CEP97: variants seen among roughly 807,000 people sequenced by gnomAD.
The protein encoded by CEP97 is centrosomal protein 97.
In CEP97, 43 loss-of-function variants were observed where a neutral mutation model predicts 73.1. The ratio of observed to expected loss-of-function variants is 0.59; its 90% CI spans 0.46 to 0.76. CEP97 has a LOEUF of 0.76. Among genes scored for constraint, CEP97 ranks in the 30% least tolerant of loss-of-function variants. The pLI, the probability that CEP97 is intolerant of heterozygous loss-of-function variation, is 0.00. For missense variants in CEP97, 939 were observed against 1,014.0 expected, an observed-to-expected ratio of 0.93 and a Z score of 1.00; for synonymous variants, 337 against 370.0, an observed-to-expected ratio of 0.91 and a Z score of 1.02.
Position 101,768,588 on chromosome 3 carries a change from T to C in CEP97, c.*3037T>C, listed in dbSNP as rs1361330622. 1 of 152,176 alleles carries C rather than the reference T, an allele frequency of 6.6e-6. No individual in the cohort carries two copies. The highest frequency in any genetic ancestry group is 2.4e-5 in the African/African-American group (1 of 41,446). 9.4% of individuals were successfully genotyped at this position (152,176 alleles called of 1,614,324 possible). On this transcript the variant is annotated 3_prime_UTR_variant, in exon 11 of 11. Coordinates refer to ENST00000341893, the MANE Select transcript of CEP97 (RefSeq NM_024548.4). The stretch of plus-strand genomic sequence containing the variant: ...TGGTGGTTGACAACTGTAATCCCAG[T>C]GCTTTGGGAGGCTGAGGCCAGAGGA...
intron 6 of CEP97, among the ~76,000 whole-genome samples, chr3:101,741,629 CATTT>C (rs1938456926): frequency 6.6e-6 from 1 of 152,132 alleles, no homozygotes; most frequent in South Asian, 2.1e-4. Context: ...CAAAAGAAGA[CATTT>C]ATGCGGCCAA....
intron 6 of CEP97, among the ~76,000 whole-genome samples, chr3:101,747,258 CTTTTTT>C (rs35085560): frequency 7.7e-6 from 1 of 129,748 alleles, no homozygotes; most frequent in Non-Finnish European, 1.6e-5. Flanking sequence ...TTCAGAACTC[CTTTTTT>C]TTTTTTTTTT....
intron 6 of CEP97, among the ~76,000 whole-genome samples, chr3:101,741,842 C>A (rs1364801710): frequency 6.6e-6 from 1 of 151,940 alleles, no homozygotes; most frequent in Non-Finnish European, 1.5e-5. Flanking sequence ...AAGTTCGAGA[C>A]CAGCCTGACC....
At chr3:101,732,402 A>G (rs187611926) in intron 5 of CEP97, 86 bp from the exon 6 acceptor site, 1 of 891,416 alleles carries the variant, frequency 1.1e-6, no homozygotes, top group Non-Finnish European at 1.7e-6. Flanking sequence ...ACATTCTCAA[A>G]TGCTGCCAAA....
intron 6 of CEP97, among the ~76,000 whole-genome samples, chr3:101,746,832 GA>G (rs1245944187): frequency 2.0e-5 from 3 of 148,392 alleles, no homozygotes; most frequent in African/African-American, 7.4e-5. Flanking sequence ...AAATTTACAA[GA>G]AAAAAACAAA....
Position 101,755,509 on chromosome 3 carries a change from C to T in CEP97, c.808C>T (p.Leu270=). 6.2e-7 allele frequency: 1 copy of T among 1,613,878 alleles called. No homozygotes were observed. The change falls in exon 7 of 11, where the codon CTG becomes TTG. Residue 270 remains leucine, a synonymous_variant. Transcript: ENST00000341893. ...PGQHIQLVQY[L]ATVCPLTSTL... is the part of the protein sequence containing the mutation. ...CCAGCACATCCAGCTTGTCCAATAT[C>T]TGGCTACAGTCTGCCCCCTCACTTC...
Position 101,757,894 on chromosome 3 carries a change from C to G in CEP97, c.1288C>G (p.Leu430Val), listed in dbSNP as rs1366900961. 8.1e-6 allele frequency: 13 copies of G among 1,614,166 alleles called. No individual in the cohort carries two copies. Among genetic ancestry groups the G allele is most frequent in the African/African-American group, 2.7e-5 (2 of 75,026 alleles). Reference protein sequence around the residue: ...ELRLQGINLGLEDDGVADESV... With the variant: ...ELRLQGINLGVEDDGVADESV... ...GAGGCTGCAGGGCATTAACTTGGGC[C>G]TAGAAGATGATGGTGTTGCAGATGA... Residue 430 changes from leucine (L) to valine (V), a missense_variant, in exon 9 of 11, where the codon CTA (leucine) becomes GTA (valine). Physicochemically the swap from Leu to Val is conservative, Grantham distance 32. Transcript: ENST00000341893.
In CEP97 at chr3:101,744,216, A is replaced by G. The variant is rs1427890841; in HGVS notation, c.729-11214A>G. On this transcript the variant is annotated intron_variant, in intron 6 of 10. Transcript: ENST00000341893. Reference sequence around the variant, plus strand: ...TACTTAGGTCTCCCAAAAGACATGTACATGCATTTTCACAGCAGCCCTATT... The same window carrying G: ...TACTTAGGTCTCCCAAAAGACATGTGCATGCATTTTCACAGCAGCCCTATT... 3.9e-5 allele frequency among the ~76,000 whole-genome samples: 6 copies of G among 152,250 alleles called. No individual in the cohort carries two copies. In the East Asian group the frequency reaches 1.2e-3, roughly 29 times the overall value.
At chr3:101,737,193 G>C (rs1938306216) in intron 6 of CEP97, among the ~76,000 whole-genome samples, 1 of 152,200 alleles carries the variant, frequency 6.6e-6, no homozygotes, top group African/African-American at 2.4e-5. Flanking sequence ...GGGATTATGT[G>C]AAAAGACCAA....
intron 6 of CEP97, among the ~76,000 whole-genome samples, chr3:101,749,950 G>C (rs1938752581): frequency 2.0e-5 from 3 of 151,408 alleles, no homozygotes; most frequent in South Asian, 4.2e-4. Context: ...TAGGTTGCCT[G>C]TTCACTGTGA....
chr3:101,729,586 T>G (rs923911360), intron 4 of CEP97, among the ~76,000 whole-genome samples: 2 of 151,984 alleles, frequency 1.3e-5, no homozygotes, highest in Non-Finnish European at 2.9e-5. Flanking sequence ...GAGTCTGTCT[T>G]TATTTTTTTT....
chr3:101,757,798 C>A lies in CEP97; in HGVS notation c.1192C>A (p.Leu398Ile). Residue 398 changes from leucine to isoleucine, a missense_variant, in exon 9 of 11, where the codon CTT (leucine) becomes ATT (isoleucine). Coordinates refer to ENST00000341893, the MANE Select transcript of CEP97 (RefSeq NM_024548.4). ...QTDEDKLNCS[L>I]LSSESTFMPV... ...GGATGAGGACAAGTTAAACTGTAGTCTTCTCTCTTCAGAGTCTACTTTTAT... is the reference window on the plus strand; with the variant it reads ...GGATGAGGACAAGTTAAACTGTAGTATTCTCTCTTCAGAGTCTACTTTTAT... 4 of 1,614,230 alleles carry A rather than the reference C, an allele frequency of 2.5e-6. No homozygotes were observed. The highest frequency in any genetic ancestry group is 3.4e-6 in the Non-Finnish European group (4 of 1,180,036).
chr3:101,761,439 G>T (rs1464725513), intron 9 of CEP97, among the ~76,000 whole-genome samples: 1 of 152,172 alleles, frequency 6.6e-6, no homozygotes, highest in East Asian at 1.9e-4. Flanking sequence ...AACGATGACA[G>T]GTATGGGGCA....
At chr3:101,752,456 G>T (rs1390372357) in intron 6 of CEP97, among the ~76,000 whole-genome samples, 1 of 152,210 alleles carries the variant, frequency 6.6e-6, no homozygotes, top group Admixed American at 6.5e-5. Context: ...TGCTAGATTG[G>T]GGAAGTTCTC....
chr3:101,732,795 C>A, intron 6 of CEP97, 141 bp downstream of exon 6: 2 of 648,782 alleles, frequency 3.1e-6, no homozygotes, highest in South Asian at 2.5e-5. Context: ...ATATGCTGGT[C>A]ATTTAGGATT....
intron 6 of CEP97, among the ~76,000 whole-genome samples, chr3:101,752,681 C>T (rs1278607711): frequency 2.6e-5 from 4 of 152,320 alleles, no homozygotes; most frequent in South Asian, 2.1e-4. Context: ...TCCAGTTGAT[C>T]GCATCGGCTC....
chr3:101,734,448 A>G (rs1284047670), intron 6 of CEP97, among the ~76,000 whole-genome samples: 1 of 152,122 alleles, frequency 6.6e-6, no homozygotes, highest in Non-Finnish European at 1.5e-5. Flanking sequence ...GTTCTTCTCT[A>G]CTACAGACAG....
At chr3:101,745,517 C>T (rs1333325599) in intron 6 of CEP97, among the ~76,000 whole-genome samples, 1 of 151,724 alleles carries the variant, frequency 6.6e-6, no homozygotes, top group African/African-American at 2.4e-5. Flanking sequence ...CCTCCCGCCT[C>T]AGCCTCCCAA....
chr3:101,752,861 A>C (rs1336211103), intron 6 of CEP97, among the ~76,000 whole-genome samples: 1 of 152,086 alleles, frequency 6.6e-6, no homozygotes, highest in Admixed American at 6.6e-5. Flanking sequence ...AGCTCGGAGT[A>C]GTTTGATCTT....
Sources: gnomAD v4.1 joint callset for allele counts (sites outside exome capture counted in the v4.1 genomes callset) on GRCh38, gnomAD v4.1.1 for gene constraint, MANE v1.5 for transcripts, NCBI Gene and HGNC (gene_info 2026-07-23, HGNC 2026-07-21) for gene names.